Variants in ABCC11 observed in about 807,000 individuals in gnomAD.
The protein encoded by ABCC11 is ATP-binding cassette sub-family C member 11.
ABCC11 carries 135 observed loss-of-function variants against 149.3 expected under a neutral mutation model. That is an observed-to-expected ratio of 0.90 (90% CI 0.79 to 1.04). The LOEUF (loss-of-function observed/expected upper bound fraction) is 1.04. ABCC11 is among the 50% of genes least tolerant of loss of function. ABCC11 has a pLI of 0.00. For missense variants in ABCC11, 1,680 were observed against 1,722.1 expected (o/e 0.98, Z 0.43); for synonymous variants, 665 against 671.4 (o/e 0.99, Z 0.15).
At position 48,193,928 on chromosome 16, in the gene ABCC11, G is replaced by A. The variant is rs147271624; in HGVS notation, c.2459C>T (p.Thr820Met). Residue 820 changes from threonine (T) to methionine (M), a missense_variant, in exon 19 of 30, where the codon ACG becomes ATG. By Grantham distance (81) the Thr-to-Met change is moderately conservative. Transcript: ENST00000356608. ...GCTCAGCCACCAGAAGCTGAAGATCGTTAAGAAGACGATCAGCACCACGAA... is the reference window on the plus strand; with the variant it reads ...GCTCAGCCACCAGAAGCTGAAGATCATTAAGAAGACGATCAGCACCACGAA... ...FFFVVLIVFL[T>M]IFSFWWLSYW... 9.1e-5 allele frequency: 147 copies of A among 1,614,024 alleles called. No individual in the cohort carries two copies. In the African/African-American group the frequency reaches 1.4e-3, roughly 16 times the overall value.
rs1248096511 is a variant in ABCC11, at chr16:48,167,381, A to T, written c.4057-15T>A. ...AATTCTACCACCTGGAGGGTAGAGA[A>T]AGGCGAGGGGAGGATCAGGGCACAG... On this transcript the variant is annotated splice_polypyrimidine_tract_variant and intron_variant, in intron 29 of 29. Transcript: ENST00000356608. 18 of 1,459,100 alleles carry T rather than the reference A, an allele frequency of 1.2e-5. No homozygotes were observed. The highest frequency in any genetic ancestry group is 1.5e-5 in the Non-Finnish European group (16 of 1,038,800). The allele number at this position is 1,459,100 out of a possible 1,614,324, so 90.4% of individuals were successfully genotyped here. A position where few individuals can be genotyped will look rare whatever the true frequency, so the allele number is the denominator to read the frequency against.
chr16:48,229,510 T>C (rs1376124528), intron 3 of ABCC11, among the ~76,000 whole-genome samples: 1 of 140,070 alleles, frequency 7.1e-6, no homozygotes, highest in Non-Finnish European at 1.5e-5. Flanking sequence ...CAGCCCGGAC[T>C]GCGGACTGCA....
At chr16:48,188,076 T>C (rs1009110188) in intron 20 of ABCC11, among the ~76,000 whole-genome samples, 1 of 152,196 alleles carries the variant, frequency 6.6e-6, no homozygotes, top group Non-Finnish European at 1.5e-5. Context: ...GAAACTTCTG[T>C]ATAAACTGTC....
intron 18 of ABCC11, 113 bp from the exon 19 acceptor site, chr16:48,194,095 C>A (rs1967172634): frequency 1.4e-6 from 1 of 714,474 alleles, no homozygotes. Flanking sequence ...TTGAGCCCCA[C>A]CCAATGTGGA....
intron 18 of ABCC11, 130 bp from the exon 19 acceptor site, chr16:48,194,112 G>A: frequency 1.6e-6 from 1 of 611,184 alleles, no homozygotes; most frequent in East Asian, 2.9e-5. Context: ...TGGACACCTT[G>A]GAGGAATGGG....
At chr16:48,173,728 G>A (rs760572925) in intron 26 of ABCC11, among the ~76,000 whole-genome samples, 17 of 152,170 alleles carry the variant, frequency 1.1e-4, no homozygotes, top group East Asian at 1.9e-4. Flanking sequence ...GGGCTCATGC[G>A]ATTCACGTGC....
intron 12 of ABCC11, among the ~76,000 whole-genome samples, chr16:48,205,746 C>T (rs1257033013): frequency 6.6e-6 from 1 of 152,196 alleles, no homozygotes; most frequent in Non-Finnish European, 1.5e-5. Context: ...TGGAGATAAG[C>T]CCAGCCAGGT....
intron 26 of ABCC11, among the ~76,000 whole-genome samples, chr16:48,173,166 C>G (rs573052276): frequency 6.6e-6 from 1 of 151,942 alleles, no homozygotes; most frequent in East Asian, 1.9e-4. Flanking sequence ...ACGCCACAAG[C>G]CAGTATGAGA....
chr16:48,181,900 A>G (rs553136562), intron 23 of ABCC11, among the ~76,000 whole-genome samples: 1 of 152,374 alleles, frequency 6.6e-6, no homozygotes, highest in South Asian at 2.1e-4. Flanking sequence ...GGCGTGAGCC[A>G]ACGTGCCCCA....
chr16:48,202,678 C>T (rs960773750), intron 14 of ABCC11, among the ~76,000 whole-genome samples: 4 of 151,944 alleles, frequency 2.6e-5, no homozygotes, highest in Non-Finnish European at 4.4e-5. Flanking sequence ...TTGAGATTAT[C>T]GTGACTCTCA....
intron 5 of ABCC11, 102 bp from the exon 6 acceptor site, chr16:48,222,933 G>T: frequency 1.0e-6 from 1 of 993,016 alleles, no homozygotes; most frequent in Non-Finnish European, 1.5e-6. Context: ...CATGCTGGGG[G>T]TTTGTTGAAG....
chr16:48,198,328 A>G (rs1169267236), intron 15 of ABCC11, 53 bp from the exon 16 acceptor site: 2 of 1,544,190 alleles, frequency 1.3e-6, no homozygotes, highest in African/African-American at 2.7e-5. Context: ...AAGATGTTTG[A>G]TTTTACTATT....
At chr16:48,236,089 C>T (rs928203567) in intron 1 of ABCC11, among the ~76,000 whole-genome samples, 3 of 152,194 alleles carry the variant, frequency 2.0e-5, no homozygotes, top group African/African-American at 7.2e-5. Flanking sequence ...TCTTACTCCT[C>T]CTGTACCTCG....
intron 4 of ABCC11, among the ~76,000 whole-genome samples, chr16:48,227,386 C>T (rs1439843918): frequency 1.3e-5 from 2 of 150,574 alleles, no homozygotes; most frequent in African/African-American, 2.4e-5. Flanking sequence ...AGGCAGGAGA[C>T]TCACTTGAAC....
intron 6 of ABCC11, among the ~76,000 whole-genome samples, chr16:48,219,438 T>A (rs1412706268): frequency 2.0e-5 from 3 of 152,150 alleles, no homozygotes; most frequent in African/African-American, 7.2e-5. Context: ...CCCAAAGTGC[T>A]GGGATTACAG....
intron 10 of ABCC11, 82 bp downstream of exon 10, chr16:48,213,361 G>T: frequency 8.0e-7 from 1 of 1,250,770 alleles, no homozygotes; most frequent in East Asian, 2.4e-5. Context: ...GCCAGGGGAC[G>T]TGTTCTGGAG....
chr16:48,197,103 T>C (rs1361878248), intron 17 of ABCC11, among the ~76,000 whole-genome samples: 1 of 152,106 alleles, frequency 6.6e-6, no homozygotes, highest in Non-Finnish European at 1.5e-5. Context: ...GGTGGGTGGA[T>C]CACTTAAGCT....
At chr16:48,171,198 T>A (rs1965697116) in intron 26 of ABCC11, among the ~76,000 whole-genome samples, 4 of 152,080 alleles carry the variant, frequency 2.6e-5, no homozygotes, top group Admixed American at 1.3e-4. Context: ...CCCCAGCCCA[T>A]GTGTTCCAGG....
chr16:48,173,575 T>A (rs956701228), intron 26 of ABCC11, among the ~76,000 whole-genome samples: 1 of 152,212 alleles, frequency 6.6e-6, no homozygotes, highest in African/African-American at 2.4e-5. Flanking sequence ...AATCTATCAC[T>A]AAATGTCTTA....
Sources: gnomAD v4.1 joint callset for allele counts (sites outside exome capture counted in the v4.1 genomes callset) on GRCh38, gnomAD v4.1.1 for gene constraint, MANE v1.5 for transcripts, NCBI Gene and HGNC (gene_info 2026-07-23, HGNC 2026-07-21) for gene names.